Variants in PPM1E observed in about 807,000 individuals in gnomAD.
PPM1E encodes the protein protein phosphatase 1E.
In PPM1E, 20 loss-of-function variants were observed where a neutral mutation model predicts 65.9. The ratio of observed to expected loss-of-function variants is 0.30; its 90% CI spans 0.21 to 0.44. PPM1E has a LOEUF of 0.44. Ranked by LOEUF, PPM1E falls within the 20% of genes least tolerant of loss-of-function variation. The pLI is 1.00. For synonymous variants in PPM1E, 352 were observed against 374.9 expected, an observed-to-expected ratio of 0.94 and a Z score of 0.70; for missense variants, 713 against 953.1, an observed-to-expected ratio of 0.75 and a Z score of 3.32.
intron 1 of PPM1E, among the ~76,000 whole-genome samples, chr17:58,871,483 G>T (rs192163674): frequency 6.6e-6 from 1 of 152,088 alleles, no homozygotes; most frequent in Non-Finnish European, 1.5e-5. Context: ...GACTTATTTT[G>T]TCCTCATAAA....
intron 1 of PPM1E, among the ~76,000 whole-genome samples, chr17:58,827,320 G>A (rs1288566033): frequency 6.6e-6 from 1 of 151,596 alleles, no homozygotes; most frequent in African/African-American, 2.4e-5. Flanking sequence ...TGTATTTTTA[G>A]TAGAGACAGG....
At chr17:58,977,856 C>T (rs1395221611) in intron 6 of PPM1E, among the ~76,000 whole-genome samples, 1 of 152,154 alleles carries the variant, frequency 6.6e-6, no homozygotes, top group African/African-American at 2.4e-5. Context: ...AATTCTCCTG[C>T]CTCAGCCTCT....
chr17:58,853,377 CT>C (rs2050848630), intron 1 of PPM1E, among the ~76,000 whole-genome samples: 2 of 152,146 alleles, frequency 1.3e-5, no homozygotes, highest in Non-Finnish European at 2.9e-5. Flanking sequence ...TTTTTCTCCA[CT>C]GGATGGTCTT....
intron 1 of PPM1E, among the ~76,000 whole-genome samples, chr17:58,766,849 T>C (rs1368196473): frequency 6.6e-6 from 1 of 152,194 alleles, no homozygotes; most frequent in Non-Finnish European, 1.5e-5. Context: ...AGGCAGCTTA[T>C]AAATAGTTTT....
intron 1 of PPM1E, among the ~76,000 whole-genome samples, chr17:58,851,475 G>A (rs1015165465): frequency 3.9e-5 from 6 of 151,974 alleles, no homozygotes; most frequent in African/African-American, 1.4e-4. Flanking sequence ...GATGTCCTTT[G>A]TGTTTGTTAG....
At chr17:58,867,949 A>G (rs1313449276) in intron 1 of PPM1E, among the ~76,000 whole-genome samples, 1 of 152,180 alleles carries the variant, frequency 6.6e-6, no homozygotes, top group Admixed American at 6.5e-5. Context: ...TACACCCACC[A>G]TCTGTAATGG....
At chr17:58,911,048 A>C (rs2051621665) in intron 1 of PPM1E, among the ~76,000 whole-genome samples, 1 of 152,030 alleles carries the variant, frequency 6.6e-6, no homozygotes, top group South Asian at 2.1e-4. Context: ...GGAGTTTTTG[A>C]CTATCAGACT....
intron 1 of PPM1E, among the ~76,000 whole-genome samples, chr17:58,911,886 G>A (rs966897357): frequency 7.9e-5 from 12 of 152,206 alleles, no homozygotes; most frequent in East Asian, 1.9e-4. Flanking sequence ...GCTCAGAGTC[G>A]CAAGGAAAAC....
chr17:58,879,994 C>T (rs1481495796), intron 1 of PPM1E, among the ~76,000 whole-genome samples: 1 of 152,114 alleles, frequency 6.6e-6, no homozygotes, highest in Non-Finnish European at 1.5e-5. Context: ...ACAAATTTCA[C>T]ACGGCATGGG....
intron 1 of PPM1E, among the ~76,000 whole-genome samples, chr17:58,834,009 T>C (rs1317579380): frequency 1.3e-5 from 2 of 152,228 alleles, no homozygotes; most frequent in Non-Finnish European, 2.9e-5. Flanking sequence ...GTGGAGCATT[T>C]TTTCGTGTTC....
At chr17:58,876,175 G>A (rs1357705675) in intron 1 of PPM1E, among the ~76,000 whole-genome samples, 1 of 152,046 alleles carries the variant, frequency 6.6e-6, no homozygotes, top group African/African-American at 2.4e-5. Context: ...TCTGTGATTT[G>A]TAGCATGTTC....
Position 58,982,831 on chromosome 17 carries a change from C to A in PPM1E, c.*1800C>A. The stretch of plus-strand genomic sequence containing the variant: ...CCTTTTCATCATTCTGAGGCTTTGC[C>A]CCACACATGGTCCTCACTCATATCT... On this transcript the variant is annotated 3_prime_UTR_variant, in exon 7 of 7. Coordinates refer to ENST00000308249, the MANE Select transcript of PPM1E (RefSeq NM_014906.5). 1 of 1,358,432 alleles carries A rather than the reference C, an allele frequency of 7.4e-7. No homozygotes were observed. Among genetic ancestry groups the A allele is most frequent in the South Asian group, 1.3e-5 (1 of 79,250 alleles). 84.1% of individuals were successfully genotyped at this position (1,358,432 alleles called of 1,614,324 possible).
At chr17:58,918,622 A>G (rs973846691) in intron 1 of PPM1E, among the ~76,000 whole-genome samples, 1 of 151,950 alleles carries the variant, frequency 6.6e-6, no homozygotes, top group Non-Finnish European at 1.5e-5. Flanking sequence ...CCTGGGCAAC[A>G]CGGTGAAACC....
intron 1 of PPM1E, among the ~76,000 whole-genome samples, chr17:58,799,545 C>T (rs141139608): frequency 0.011 from 1,710 of 152,228 alleles, 37 homozygotes; most frequent in African/African-American, 0.039. Flanking sequence ...TGGGCTCAAG[C>T]GATTCTTCTG....
In PPM1E at chr17:58,980,427, TGAG is replaced by T; in HGVS notation, c.1665_1667del (p.Ser556del). ...GATTCATTCACTGATAGAACTAGCC[TGAG>T]CCCAGGGTCCCAAATCAACGTGCTG... On this transcript the variant is annotated inframe_deletion, in exon 7 of 7. Coordinates refer to ENST00000308249, the MANE Select transcript of PPM1E (RefSeq NM_014906.5). This position sits in a 1 kb window ranked among gnomAD's most constrained non-coding sequence, Gnocchi z 4.7. 1 of 1,614,176 alleles carries T rather than the reference TGAG, an allele frequency of 6.2e-7. No homozygotes were observed. Among genetic ancestry groups the T allele is most frequent in the Non-Finnish European group, 8.5e-7 (1 of 1,180,024 alleles).
chr17:58,874,084 T>C (rs2051103460), intron 1 of PPM1E, among the ~76,000 whole-genome samples: 1 of 152,022 alleles, frequency 6.6e-6, no homozygotes, highest in Non-Finnish European at 1.5e-5. Flanking sequence ...TACGTTAAGG[T>C]ATGATCTAAT....
intron 1 of PPM1E, among the ~76,000 whole-genome samples, chr17:58,908,885 C>T (rs1316311223): frequency 2.0e-5 from 3 of 152,144 alleles, no homozygotes; most frequent in African/African-American, 7.2e-5. Flanking sequence ...TCCTACCTCC[C>T]ATCCCTTGTA....
intron 1 of PPM1E, among the ~76,000 whole-genome samples, chr17:58,829,064 C>T (rs537738824): frequency 2.2e-4 from 33 of 151,108 alleles, no homozygotes; most frequent in African/African-American, 6.1e-4. Context: ...TTTTTTGAGA[C>T]GGAGTTTCAC....
intron 1 of PPM1E, among the ~76,000 whole-genome samples, chr17:58,921,085 A>C (rs1222001444): frequency 6.6e-6 from 1 of 152,226 alleles, no homozygotes; most frequent in Non-Finnish European, 1.5e-5. Flanking sequence ...ATTTGGCAAC[A>C]TGGAAGCCAT....
Sources: gnomAD v4.1 joint callset for allele counts (sites outside exome capture counted in the v4.1 genomes callset) on GRCh38, gnomAD v4.1.1 for gene constraint, Gnocchi (gnomAD v3.1) non-coding constraint, MANE v1.5 for transcripts, NCBI Gene and HGNC (gene_info 2026-07-23, HGNC 2026-07-21) for gene names.